Variants in KIRREL3 observed in about 807,000 individuals in gnomAD.
KIRREL3 encodes kin of IRRE-like protein 3.
KIRREL3 carries 36 observed loss-of-function variants against 89.7 expected under a neutral mutation model. The observed-to-expected ratio is 0.40, with a 90% CI of 0.31 to 0.53. The LOEUF (loss-of-function observed/expected upper bound fraction) is 0.53, where lower values mean the gene tolerates loss of function less well. Among genes scored for constraint, KIRREL3 ranks in the 20% least tolerant of loss-of-function variants. KIRREL3 has a pLI of 0.49. For missense variants in KIRREL3, 864 were observed against 1,056.6 expected, an observed-to-expected ratio of 0.82 and a Z score of 2.53; for synonymous variants, 445 against 441.4, an observed-to-expected ratio of 1.01 and a Z score of -0.10.
intron 1 of KIRREL3, among the ~76,000 whole-genome samples, chr11:126,741,888 A>G (rs993708687): frequency 7.9e-5 from 12 of 152,224 alleles, no homozygotes; most frequent in African/African-American, 2.4e-4. Context: ...GGCTCATCCA[A>G]TGCCATACGG....
At chr11:126,864,041 C>G (rs1211488490) in intron 1 of KIRREL3, among the ~76,000 whole-genome samples, 1 of 152,218 alleles carries the variant, frequency 6.6e-6, no homozygotes, top group African/African-American at 2.4e-5. Flanking sequence ...TTCCTCCGCT[C>G]CTCCCCAACC....
In KIRREL3 at chr11:126,484,256, G is replaced by A. The variant is rs1331265474; in HGVS notation, c.434-10790C>T. Among the ~76,000 whole-genome samples the A allele has an allele frequency of 2.0e-5, 3 of 152,122 alleles. No homozygotes were observed. In the East Asian group the frequency reaches 5.8e-4, roughly 29 times the overall value. On this transcript the variant is annotated intron_variant, in intron 4 of 16. Transcript: ENST00000525144. This position sits in a 1 kb window ranked among gnomAD's most constrained non-coding sequence, Gnocchi z 5.2. ...GACCTGTTTCAGGTTCCCTACAGTTGCAGGGTAGGAGTCCTGGCGCCTCTT... is the reference window on the plus strand; with the variant it reads ...GACCTGTTTCAGGTTCCCTACAGTTACAGGGTAGGAGTCCTGGCGCCTCTT...
In KIRREL3 at chr11:126,917,509, C is replaced by T. The variant is rs1947089092; in HGVS notation, c.55+82946G>A. ...AAAATTAAAAAAAAACAAGGAAAAA[C>T]CTGCAAACAACAAAAATCTTTCCAA... On this transcript the variant is annotated intron_variant, in intron 1 of 16. Coordinates refer to ENST00000525144, the MANE Select transcript of KIRREL3 (RefSeq NM_032531.4). This position sits in a 1 kb window ranked among gnomAD's most constrained non-coding sequence, Gnocchi z 5.0. 6.6e-6 allele frequency among the ~76,000 whole-genome samples: 1 copy of T among 152,020 alleles called. No homozygotes were observed. The highest frequency in any genetic ancestry group is 6.5e-5 in the Admixed American group (1 of 15,268).
chr11:126,672,919 A>G (rs1946022767), intron 1 of KIRREL3, among the ~76,000 whole-genome samples: 1 of 152,214 alleles, frequency 6.6e-6, no homozygotes, highest in Non-Finnish European at 1.5e-5. Context: ...AAGTTTCAAA[A>G]TTTCTTAAGC....
In KIRREL3 at chr11:126,843,455, C is replaced by T. The variant is rs1944030709; in HGVS notation, c.55+157000G>A. Among the ~76,000 whole-genome samples, 1 of 152,124 alleles carries T rather than the reference C, an allele frequency of 6.6e-6. No individual in the cohort carries two copies. The highest frequency in any genetic ancestry group is 1.5e-5 in the Non-Finnish European group (1 of 68,026). ...TATCCTACTGGGGAGAAACTCCATT[C>T]CCAAAGTCCTGCTTTCAATTGTGAT... On this transcript the variant is annotated intron_variant, in intron 1 of 16. Transcript: ENST00000525144. This position sits in a 1 kb window ranked among gnomAD's most constrained non-coding sequence, Gnocchi z 4.6.
In KIRREL3 at chr11:126,642,068, A is replaced by C. The variant is rs1944491370; in HGVS notation, c.56-79156T>G. Among the ~76,000 whole-genome samples, 1 of 152,200 alleles carries C rather than the reference A, an allele frequency of 6.6e-6. No individual in the cohort carries two copies. The highest frequency in any genetic ancestry group is 1.5e-5 in the Non-Finnish European group (1 of 68,042). On this transcript the variant is annotated intron_variant, in intron 1 of 16. Coordinates refer to ENST00000525144, the MANE Select transcript of KIRREL3 (RefSeq NM_032531.4). This position sits in a 1 kb window ranked among gnomAD's most constrained non-coding sequence, Gnocchi z 4.9. ...TGCAGATGGAGCCCAGATCCCAGTG[A>C]GCGACTGCTGGGCTGTTCACAGAGA...
Position 126,742,180 on chromosome 11 carries a change from G to A in KIRREL3, c.56-179268C>T, listed in dbSNP as rs145836080. ...TTTAAAATAAGCCTTTAGAACAAAT[G>A]TAAATGGATCTTCAAAGAACAATAT... On this transcript the variant is annotated intron_variant, in intron 1 of 16. Coordinates refer to ENST00000525144, the MANE Select transcript of KIRREL3 (RefSeq NM_032531.4). This position sits in a 1 kb window ranked among gnomAD's most constrained non-coding sequence, Gnocchi z 5.3. Among the ~76,000 whole-genome samples the A allele has an allele frequency of 3.9e-3, 596 of 152,314 alleles. 4 individuals carry two copies. Among genetic ancestry groups the A allele is most frequent in the African/African-American group, 0.014 (569 of 41,568 alleles).
chr11:126,795,209 A>G lies in KIRREL3; in HGVS notation c.55+205246T>C, dbSNP rs1555196626. Among the ~76,000 whole-genome samples, 1 of 152,222 alleles carries G rather than the reference A, an allele frequency of 6.6e-6. No homozygotes were observed. Among genetic ancestry groups the G allele is most frequent in the Non-Finnish European group, 1.5e-5 (1 of 68,046 alleles). On this transcript the variant is annotated intron_variant, in intron 1 of 16. Coordinates refer to ENST00000525144, the MANE Select transcript of KIRREL3 (RefSeq NM_032531.4). The surrounding 1 kb of genome is among the most constrained non-coding windows in gnomAD (Gnocchi z 4.1). ...CAAGCCCATAGAGTGTACAGCATAC[A>G]GAATGAACTCTAATGTAAACTAGGG...
At chr11:126,947,753 A>T (rs896139511) in intron 1 of KIRREL3, among the ~76,000 whole-genome samples, 1 of 152,230 alleles carries the variant, frequency 6.6e-6, no homozygotes, top group African/African-American at 2.4e-5. Context: ...TAGCTAAAAC[A>T]ATCTGGAAAT....
chr11:126,657,258 A>AATC (rs1565625597), intron 1 of KIRREL3, among the ~76,000 whole-genome samples: 33 of 151,566 alleles, frequency 2.2e-4, no homozygotes, highest in African/African-American at 3.9e-4. Context: ...TTAAATAAAT[A>AATC]AATAAATAAA....
intron 1 of KIRREL3, among the ~76,000 whole-genome samples, chr11:126,738,148 G>A (rs536256639): frequency 6.6e-6 from 1 of 152,278 alleles, no homozygotes; most frequent in South Asian, 2.1e-4. Flanking sequence ...CGATATGCCA[G>A]CTGCCAAGCA....
Position 126,799,351 on chromosome 11 carries a change from T to C in KIRREL3, c.55+201104A>G, listed in dbSNP as rs1030891143. ...ATCTGTGTGTGTGCATGTGTGTATC[T>C]CTGTGTGTATCTGTGTATCTGTGTG... On this transcript the variant is annotated intron_variant, in intron 1 of 16. Coordinates refer to ENST00000525144, the MANE Select transcript of KIRREL3 (RefSeq NM_032531.4). Among the ~76,000 whole-genome samples, 11 of 120,128 alleles carry C rather than the reference T, an allele frequency of 9.2e-5. No homozygotes were observed. The Admixed American group carries it at 9.2e-4, about 10-fold the overall frequency. The allele number at this position is 120,128 out of a possible 152,430, so 78.8% of individuals were successfully genotyped here.
intron 1 of KIRREL3, among the ~76,000 whole-genome samples, chr11:126,646,303 T>C (rs935967728): frequency 1.4e-3 from 12 of 8,810 alleles, no homozygotes; most frequent in African/African-American, 5.5e-3. Flanking sequence ...TATTGTTATT[T>C]ATTTTGTTCT....
chr11:126,620,937 A>G lies in KIRREL3; in HGVS notation c.56-58025T>C, dbSNP rs974593718. 6.6e-6 allele frequency among the ~76,000 whole-genome samples: 1 copy of G among 152,168 alleles called. No homozygotes were observed. Among genetic ancestry groups the G allele is most frequent in the Non-Finnish European group, 1.5e-5 (1 of 68,032 alleles). ...TTTTTCTTCTCTTCTCTGGACTCAT[A>G]GGTCTTTGGAACTGACCTGTGTGCC... On this transcript the variant is annotated intron_variant, in intron 1 of 16. Transcript: ENST00000525144. The surrounding 1 kb of genome is among the most constrained non-coding windows in gnomAD (Gnocchi z 4.8).
chr11:126,763,608 T>C lies in KIRREL3; in HGVS notation c.56-200696A>G, dbSNP rs1172357447. 1.3e-5 allele frequency among the ~76,000 whole-genome samples: 2 copies of C among 152,004 alleles called. No homozygotes were observed. Among genetic ancestry groups the C allele is most frequent in the Non-Finnish European group, 2.9e-5 (2 of 67,990 alleles). On this transcript the variant is annotated intron_variant, in intron 1 of 16. Coordinates refer to ENST00000525144, the MANE Select transcript of KIRREL3 (RefSeq NM_032531.4). This position sits in a 1 kb window ranked among gnomAD's most constrained non-coding sequence, Gnocchi z 4.7. ...GGGACCAAGGCCCAGCGAGAGTAGG[T>C]GGTAGGTAGGCAATGGCCAGTGGGG...
rs1948676165 is a variant in KIRREL3, at chr11:126,948,266, A to G, written c.55+52189T>C. Among the ~76,000 whole-genome samples the G allele has an allele frequency of 6.6e-6, 1 of 151,794 alleles. No homozygotes were observed. The highest frequency in any genetic ancestry group is 2.1e-4 in the South Asian group (1 of 4,802). ...TTGAAATTGTACTTGATAATGAAAA[A>G]GTTGGTCAAATTTCAAGAATAGCAT... is the stretch of plus-strand genomic sequence containing the variant. On this transcript the variant is annotated intron_variant, in intron 1 of 16. Transcript: ENST00000525144. The surrounding 1 kb of genome is among the most constrained non-coding windows in gnomAD (Gnocchi z 4.5).
intron 5 of KIRREL3, among the ~76,000 whole-genome samples, chr11:126,469,891 G>A (rs1017493054): frequency 2.0e-5 from 3 of 152,344 alleles, no homozygotes; most frequent in East Asian, 1.9e-4. Flanking sequence ...CTTCCGGAGC[G>A]TCTGATCCAA....
Position 126,503,757 on chromosome 11 carries a change from G to C in KIRREL3, c.433+17558C>G, listed in dbSNP as rs544740280. Reference sequence around the variant, plus strand: ...AATTAGTGCCCTTGAAAGAGGAAGAGAGAGAATCTCCCTCTCCCTCTTTCC... The same window carrying C: ...AATTAGTGCCCTTGAAAGAGGAAGACAGAGAATCTCCCTCTCCCTCTTTCC... On this transcript the variant is annotated intron_variant, in intron 4 of 16. Coordinates refer to ENST00000525144, the MANE Select transcript of KIRREL3 (RefSeq NM_032531.4). Among the ~76,000 whole-genome samples the C allele has an allele frequency of 4.6e-5, 7 of 151,734 alleles. No homozygotes were observed. The South Asian group carries it at 1.5e-3, about 32-fold the overall frequency.
In KIRREL3 at chr11:126,647,331, G is replaced by T. The variant is rs1179556478; in HGVS notation, c.56-84419C>A. Among the ~76,000 whole-genome samples the T allele has an allele frequency of 6.6e-6, 1 of 152,130 alleles. No homozygotes were observed. Among genetic ancestry groups the T allele is most frequent in the Non-Finnish European group, 1.5e-5 (1 of 68,028 alleles). On this transcript the variant is annotated intron_variant, in intron 1 of 16. Coordinates refer to ENST00000525144, the MANE Select transcript of KIRREL3 (RefSeq NM_032531.4). This position sits in a 1 kb window ranked among gnomAD's most constrained non-coding sequence, Gnocchi z 4.9. ...CGTTTTAATTAACTTGTCTATTCACGCATCCAACAAATATTTAATGAGTTT... is the reference window on the plus strand; with the variant it reads ...CGTTTTAATTAACTTGTCTATTCACTCATCCAACAAATATTTAATGAGTTT...
Sources: allele counts gnomAD v4.1 joint callset (sites outside exome capture counted in the v4.1 genomes callset), GRCh38; gene constraint gnomAD v4.1.1; non-coding constraint Gnocchi (gnomAD v3.1); transcripts MANE v1.5; gene names NCBI Gene and HGNC (gene_info 2026-07-23, HGNC 2026-07-21).